Variants in FOXP1 observed in about 807,000 individuals in gnomAD.
FOXP1 encodes forkhead box protein P1.
FOXP1 carries 15 observed loss-of-function variants against 98.2 expected under a neutral mutation model. That is an observed-to-expected ratio of 0.15 (90% CI 0.10 to 0.24). The LOEUF (loss-of-function observed/expected upper bound fraction) is 0.24, where lower values mean the gene tolerates loss of function less well. Ranked by LOEUF, FOXP1 falls within the 10% of genes least tolerant of loss-of-function variation. FOXP1 has a pLI of 1.00. For synonymous variants in FOXP1, 371 were observed against 314.5 expected, an observed-to-expected ratio of 1.18 and a Z score of -1.90; for missense variants, 633 against 848.5, an observed-to-expected ratio of 0.75 and a Z score of 3.15.
chr3:71,539,143 GCT>G (rs2044566663), intron 2 of FOXP1, among the ~76,000 whole-genome samples: 1 of 67,822 alleles, frequency 1.5e-5, no homozygotes, highest in African/African-American at 6.7e-5. Flanking sequence ...ATGGGGTCTC[GCT>G]CTGTCGCCCA....
intron 3 of FOXP1, among the ~76,000 whole-genome samples, chr3:71,489,080 C>T (rs903675791): frequency 6.6e-6 from 1 of 152,188 alleles, no homozygotes; most frequent in Non-Finnish European, 1.5e-5. Context: ...GCCAGCTGCA[C>T]ATACCTTCTG....
intron 4 of FOXP1, among the ~76,000 whole-genome samples, chr3:71,331,224 G>T (rs1190037191): frequency 6.6e-6 from 1 of 152,210 alleles, no homozygotes; most frequent in Non-Finnish European, 1.5e-5. Flanking sequence ...CCCGCACTTG[G>T]AGTGGCCAGC....
At chr3:71,365,946 C>CT (rs1330125923) in intron 3 of FOXP1, among the ~76,000 whole-genome samples, 1 of 152,170 alleles carries the variant, frequency 6.6e-6, no homozygotes, top group Non-Finnish European at 1.5e-5. Flanking sequence ...GCACTCCAGC[C>CT]TGGCGACAGG....
chr3:70,954,999 C>CG lies in FOXP1; in HGVS notation c.*4247_*4248insC. The CG allele has an allele frequency of 4.3e-6, 1 of 232,486 alleles. No homozygotes were observed. Among genetic ancestry groups the CG allele is most frequent in the Non-Finnish European group, 8.5e-6 (1 of 117,538 alleles). 14.4% of individuals were successfully genotyped at this position (232,486 alleles called of 1,614,324 possible). A position where few individuals can be genotyped will look rare whatever the true frequency, so the allele number is the denominator to read the frequency against. ...TTATGGGTAGCAGAGATTGCGTGAGCTACACTGGGCCCAAGAAATGCCTTC... is the reference window on the plus strand; with the variant it reads ...TTATGGGTAGCAGAGATTGCGTGAGCGTACACTGGGCCCAAGAAATGCCTTC... On this transcript the variant is annotated 3_prime_UTR_variant, in exon 21 of 21. Transcript: ENST00000649528.
At chr3:71,559,864 C>T (rs543779411) in intron 2 of FOXP1, among the ~76,000 whole-genome samples, 1 of 145,736 alleles carries the variant, frequency 6.9e-6, no homozygotes, top group Admixed American at 6.9e-5. Flanking sequence ...CTGGGGGTTG[C>T]GGGGGGGACC....
intron 5 of FOXP1, among the ~76,000 whole-genome samples, chr3:71,267,602 T>C (rs984973526): frequency 6.6e-6 from 1 of 152,226 alleles, no homozygotes; most frequent in African/African-American, 2.4e-5. Flanking sequence ...GAGACACAGT[T>C]TGCAAAAGAC....
At chr3:71,545,324 C>T (rs747136192) in intron 2 of FOXP1, among the ~76,000 whole-genome samples, 2 of 152,168 alleles carry the variant, frequency 1.3e-5, no homozygotes, top group Non-Finnish European at 2.9e-5. Context: ...TGTAACAAAG[C>T]AGTGTTAGAA....
chr3:71,015,244 G>A (rs745394383), intron 12 of FOXP1, among the ~76,000 whole-genome samples: 2 of 151,860 alleles, frequency 1.3e-5, no homozygotes, highest in Admixed American at 6.6e-5. Context: ...AAAAGTAAAC[G>A]CTAAAAAACT....
chr3:71,553,348 T>C (rs374867036), intron 2 of FOXP1, among the ~76,000 whole-genome samples: 1 of 152,322 alleles, frequency 6.6e-6, no homozygotes, highest in African/African-American at 2.4e-5. Context: ...CAAATTTGGA[T>C]GCTGCAAAAT....
chr3:71,530,805 A>G (rs1040650056), intron 2 of FOXP1, among the ~76,000 whole-genome samples: 1 of 152,238 alleles, frequency 6.6e-6, no homozygotes, highest in African/African-American at 2.4e-5. Flanking sequence ...TAACAAAATT[A>G]GGATTTGAAC....
chr3:71,036,114 T>G lies in FOXP1; in HGVS notation c.869+5214A>C, dbSNP rs1410452517. Among the ~76,000 whole-genome samples, 12 of 152,162 alleles carry G rather than the reference T, an allele frequency of 7.9e-5. No individual in the cohort carries two copies. The South Asian group carries it at 2.5e-3, about 32-fold the overall frequency. On this transcript the variant is annotated intron_variant, in intron 11 of 20. Coordinates refer to ENST00000649528, the MANE Select transcript of FOXP1 (RefSeq NM_001349338.3). ...TGGCAACATGTCAAGAGGCCACAAA[T>G]CAAAAACAGAGACTGTGTATCAAGT...
intron 7 of FOXP1, among the ~76,000 whole-genome samples, chr3:71,073,547 T>G (rs1375972715): frequency 2.0e-5 from 3 of 152,248 alleles, no homozygotes; most frequent in East Asian, 3.8e-4. Flanking sequence ...GAATCCAGTA[T>G]TTGTTACTCA....
At chr3:71,566,569 T>C (rs957217467) in intron 2 of FOXP1, among the ~76,000 whole-genome samples, 1 of 152,054 alleles carries the variant, frequency 6.6e-6, no homozygotes, top group Non-Finnish European at 1.5e-5. Flanking sequence ...ATTTGGAAAA[T>C]AGATAGGAAT....
intron 2 of FOXP1, among the ~76,000 whole-genome samples, chr3:71,543,929 A>G (rs2045107756): frequency 6.6e-6 from 1 of 152,204 alleles, no homozygotes; most frequent in Non-Finnish European, 1.5e-5. Context: ...ATTTGTAAAG[A>G]TATGAAATTC....
intron 3 of FOXP1, among the ~76,000 whole-genome samples, chr3:71,386,433 C>A (rs2080576916): frequency 6.6e-6 from 1 of 152,184 alleles, no homozygotes; most frequent in South Asian, 2.1e-4. Context: ...CTTCTCATCT[C>A]TGTTAACTAC....
intron 5 of FOXP1, among the ~76,000 whole-genome samples, chr3:71,263,854 C>G (rs2568834): frequency 0.15 from 22,855 of 151,710 alleles, 1,867 homozygotes; most frequent in African/African-American, 0.18. Flanking sequence ...AAATGATCCT[C>G]TTGACTCAGC....
chr3:71,126,855 G>GA (rs757099344), intron 6 of FOXP1, among the ~76,000 whole-genome samples: 59,263 of 103,384 alleles, frequency 0.57, 14,747 homozygotes, highest in East Asian at 0.89. Flanking sequence ...AAACCAAAAA[G>GA]AAAAAAAAAA....
intron 12 of FOXP1, among the ~76,000 whole-genome samples, chr3:71,001,573 C>T (rs2042129791): frequency 6.6e-6 from 1 of 151,706 alleles, no homozygotes; most frequent in Non-Finnish European, 1.5e-5. Context: ...CCTACACATG[C>T]AAATTATGTA....
intron 20 of FOXP1, among the ~76,000 whole-genome samples, chr3:70,964,132 C>T (rs2034218494): frequency 1.3e-5 from 2 of 152,184 alleles, no homozygotes; most frequent in South Asian, 2.1e-4. Context: ...CTGCTGTTGA[C>T]ATATAATTAC....
Sources: allele counts gnomAD v4.1 joint callset (sites outside exome capture counted in the v4.1 genomes callset), GRCh38; gene constraint gnomAD v4.1.1; transcripts MANE v1.5; gene names NCBI Gene and HGNC (gene_info 2026-07-23, HGNC 2026-07-21).